DIAPH3: variants seen among roughly 807,000 people sequenced by gnomAD.
The protein encoded by DIAPH3 is diaphanous related formin 3.
A neutral mutation model predicts 144.3 loss-of-function variants in DIAPH3; 117 were observed. That is an observed-to-expected ratio of 0.81 (90% CI 0.70 to 0.95). The LOEUF (loss-of-function observed/expected upper bound fraction) is 0.95, where lower values mean the gene tolerates loss of function less well. Among genes scored for constraint, DIAPH3 ranks in the 40% least tolerant of loss-of-function variants. DIAPH3 has a pLI of 0.00. For synonymous variants in DIAPH3, 519 were observed against 488.9 expected (o/e 1.06, Z -0.81); for missense variants, 1,421 against 1,412.7 (o/e 1.01, Z -0.09).
chr13:59,740,039 A>G (rs529233645), intron 27 of DIAPH3, among the ~76,000 whole-genome samples: 52 of 152,272 alleles, frequency 3.4e-4, no homozygotes, highest in African/African-American at 1.2e-3. Flanking sequence ...ATTTGAACCA[A>G]TCTCCTACAA....
At chr13:59,953,155 C>T (rs1380023525) in intron 17 of DIAPH3, among the ~76,000 whole-genome samples, 1 of 152,046 alleles carries the variant, frequency 6.6e-6, no homozygotes, top group Non-Finnish European at 1.5e-5. Context: ...TGAGTTAAGA[C>T]TTGAAGGTGG....
intron 27 of DIAPH3, among the ~76,000 whole-genome samples, chr13:59,681,603 GTT>G (rs34362880): frequency 6.7e-6 from 1 of 148,524 alleles, no homozygotes; most frequent in Non-Finnish European, 1.5e-5. Context: ...TGTTTTAAGT[GTT>G]TTTTTTTTCC....
At chr13:59,826,287 G>A (rs1396793703) in intron 24 of DIAPH3, among the ~76,000 whole-genome samples, 3 of 84,984 alleles carry the variant, frequency 3.5e-5, no homozygotes, top group Non-Finnish European at 8.1e-5. Flanking sequence ...AAACCCCATC[G>A]TCTCAACCCA....
chr13:59,753,754 A>G (rs1346984486), intron 27 of DIAPH3, among the ~76,000 whole-genome samples: 1 of 152,206 alleles, frequency 6.6e-6, no homozygotes, highest in Non-Finnish European at 1.5e-5. Context: ...TAAAAGTGCC[A>G]GCAATATATT....
At chr13:59,996,146 T>G (rs570489315) in intron 9 of DIAPH3, among the ~76,000 whole-genome samples, 13 of 152,008 alleles carry the variant, frequency 8.6e-5, no homozygotes, top group Non-Finnish European at 1.8e-4. Context: ...ACTGGTGACT[T>G]GACAAGAATA....
At chr13:60,013,268 A>C (rs187456660) in intron 7 of DIAPH3, 126 of 960,046 alleles carry the variant, frequency 1.3e-4, no homozygotes, top group Middle Eastern at 5.3e-4. Context: ...GGCACTGAAG[A>C]TGATGTTTTA....
chr13:59,738,752 A>G (rs1040054106), intron 27 of DIAPH3, among the ~76,000 whole-genome samples: 1 of 152,228 alleles, frequency 6.6e-6, no homozygotes, highest in Non-Finnish European at 1.5e-5. Context: ...TCTTTAGATC[A>G]AGTCACTTCT....
At chr13:59,987,988 C>G (rs2051539415) in intron 12 of DIAPH3, among the ~76,000 whole-genome samples, 1 of 151,794 alleles carries the variant, frequency 6.6e-6, no homozygotes, top group South Asian at 2.1e-4. Flanking sequence ...CTTTTCCTCT[C>G]TAAATTCTAA....
intron 20 of DIAPH3, among the ~76,000 whole-genome samples, chr13:59,907,626 C>T (rs1182025815): frequency 6.6e-6 from 1 of 152,162 alleles, no homozygotes. Context: ...CACTACTTTA[C>T]CCCACTCATG....
rs1184968841 is a variant in DIAPH3, at chr13:60,163,578, G to T, written c.180+9C>A. ...GAGCGGCCCCACCCTAGCTCCAGGC[G>T]ATACTCACAAACTTGGGGCGCTTCT... On this transcript the variant is annotated intron_variant, in intron 1 of 27. Transcript: ENST00000400324. The T allele has an allele frequency of 6.3e-7, 1 of 1,579,744 alleles. No individual in the cohort carries two copies. Among genetic ancestry groups the T allele is most frequent in the Admixed American group, 1.7e-5 (1 of 58,140 alleles).
rs1327070586 is a variant in DIAPH3 at position 59,665,731 on chromosome 13, C to T, written c.*853G>A. On this transcript the variant is annotated 3_prime_UTR_variant, in exon 28 of 28. Transcript: ENST00000400324. ...GATCTTTGTTAAAGTTATTGATTGT[C>T]AGATCAGAGAAATTGCAATCCCAAG... The T allele has an allele frequency of 4.6e-5, 7 of 152,486 alleles. No individual in the cohort carries two copies. Among genetic ancestry groups the T allele is most frequent in the African/African-American group, 1.4e-4 (6 of 41,394 alleles). The allele number at this position is 152,486 out of a possible 1,614,324, so 9.4% of individuals were successfully genotyped here.
At position 60,135,126 on chromosome 13, in the gene DIAPH3, C is replaced by T. The variant is rs537525609; in HGVS notation, c.181-2137G>A. 2.0e-5 allele frequency among the ~76,000 whole-genome samples: 3 copies of T among 151,868 alleles called. No individual in the cohort carries two copies. In the South Asian group the frequency reaches 6.2e-4, roughly 32 times the overall value. On this transcript the variant is annotated intron_variant, in intron 1 of 27. Transcript: ENST00000400324. ...TTCAAGAGAAACACTTATATACTGT[C>T]AAAGGTCTAAAATTAGACCATCTTT... is the stretch of plus-strand genomic sequence containing the variant.
At chr13:59,906,811 T>A (rs762898143) in intron 20 of DIAPH3, among the ~76,000 whole-genome samples, 1 of 152,182 alleles carries the variant, frequency 6.6e-6, no homozygotes, top group Admixed American at 6.5e-5. Flanking sequence ...AACTGCAAAT[T>A]TTTAGGCCTC....
At chr13:60,161,806 T>C (rs1308151897) in intron 1 of DIAPH3, among the ~76,000 whole-genome samples, 2 of 151,974 alleles carry the variant, frequency 1.3e-5, no homozygotes, top group African/African-American at 4.8e-5. Context: ...CAAAGGACTA[T>C]CAAGAATGCC....
intron 25 of DIAPH3, among the ~76,000 whole-genome samples, chr13:59,786,275 A>T (rs2039023890): frequency 6.6e-6 from 1 of 152,186 alleles, no homozygotes; most frequent in African/African-American, 2.4e-5. Context: ...TCTTACACTA[A>T]ATAGGATTAT....
intron 25 of DIAPH3, among the ~76,000 whole-genome samples, chr13:59,808,029 T>G (rs2139531839): frequency 6.6e-6 from 1 of 151,878 alleles, no homozygotes; most frequent in African/African-American, 2.4e-5. Context: ...AAGGGAAGAT[T>G]ATAAATAAGT....
chr13:60,050,133 G>A (rs1479727155), intron 4 of DIAPH3, among the ~76,000 whole-genome samples: 1 of 152,170 alleles, frequency 6.6e-6, no homozygotes, highest in Non-Finnish European at 1.5e-5. Flanking sequence ...GTTTGAGGTT[G>A]CCATGAGCCA....
intron 7 of DIAPH3, among the ~76,000 whole-genome samples, chr13:60,011,236 T>C (rs1177168417): frequency 6.6e-6 from 1 of 152,126 alleles, no homozygotes; most frequent in Non-Finnish European, 1.5e-5. Flanking sequence ...ACAGGTTAAG[T>C]AGCCAAATTG....
intron 12 of DIAPH3, among the ~76,000 whole-genome samples, chr13:59,984,533 C>T (rs566411042): frequency 4.6e-5 from 7 of 151,714 alleles, no homozygotes; most frequent in African/African-American, 1.7e-4. Context: ...TGAAACATCC[C>T]TTAAGATTTT....
Sources: allele counts gnomAD v4.1 joint callset (sites outside exome capture counted in the v4.1 genomes callset), GRCh38; gene constraint gnomAD v4.1.1; transcripts MANE v1.5; gene names NCBI Gene and HGNC (gene_info 2026-07-23, HGNC 2026-07-21).